TMEM132C: variants seen among roughly 807,000 people sequenced by gnomAD.
TMEM132C encodes transmembrane protein 132C.
TMEM132C carries 29 observed loss-of-function variants against 61.4 expected under a neutral mutation model. The ratio of observed to expected loss-of-function variants is 0.47; its 90% confidence interval spans 0.35 to 0.64. The LOEUF (loss-of-function observed/expected upper bound fraction) is 0.64. Ranked by LOEUF, TMEM132C falls within the 30% of genes least tolerant of loss-of-function variation. The pLI is 0.00. For synonymous variants in TMEM132C, 656 were observed against 633.1 expected, an observed-to-expected ratio of 1.04 and a Z score of -0.54; for missense variants, 1,408 against 1,476.9, an observed-to-expected ratio of 0.95 and a Z score of 0.76.
At chr12:128,588,134 A>G (rs1875617780) in intron 3 of TMEM132C, among the ~76,000 whole-genome samples, 1 of 152,160 alleles carries the variant, frequency 6.6e-6, no homozygotes, top group African/African-American at 2.4e-5. Context: ...TCACAAGATG[A>G]CTTTCATGTC....
At chr12:128,410,364 A>AATAT (rs1555223121) in intron 1 of TMEM132C, among the ~76,000 whole-genome samples, 1 of 132,060 alleles carries the variant, frequency 7.6e-6, no homozygotes, top group East Asian at 2.2e-4. Context: ...ACTAGTTCTG[A>AATAT]ATATATATAC....
intron 3 of TMEM132C, among the ~76,000 whole-genome samples, chr12:128,597,792 A>G (rs1425578060): frequency 6.6e-6 from 1 of 152,180 alleles, no homozygotes; most frequent in Non-Finnish European, 1.5e-5. Flanking sequence ...TAGTTTCTGG[A>G]GCTGCAGGCC....
intron 1 of TMEM132C, among the ~76,000 whole-genome samples, chr12:128,354,930 C>G (rs1468743933): frequency 6.6e-6 from 1 of 152,208 alleles, no homozygotes; most frequent in African/African-American, 2.4e-5. Flanking sequence ...TCACCCAGGT[C>G]AGGGGACAAG....
At chr12:128,539,964 C>T (rs1873676757) in intron 2 of TMEM132C, among the ~76,000 whole-genome samples, 1 of 152,056 alleles carries the variant, frequency 6.6e-6, no homozygotes, top group South Asian at 2.1e-4. Flanking sequence ...ATGATTCATC[C>T]TCTTTCTTTT....
chr12:128,492,726 A>G lies in TMEM132C; in HGVS notation c.975-51231A>G, dbSNP rs185365691. ...TGTTTTTTTCTTGTAAATTTGTTTG[A>G]GTTCTTCGTAGATTCTGGATATTAG... On this transcript the variant is annotated intron_variant, in intron 2 of 8. Coordinates refer to ENST00000435159, the MANE Select transcript of TMEM132C (RefSeq NM_001136103.3). Among the ~76,000 whole-genome samples the G allele has an allele frequency of 1.5e-3, 226 of 152,122 alleles. 3 individuals are homozygous for G. The highest frequency in any genetic ancestry group is 4.6e-3 in the African/African-American group (189 of 41,472).
At chr12:128,308,379 C>T (rs897645925) in intron 1 of TMEM132C, among the ~76,000 whole-genome samples, 3 of 151,818 alleles carry the variant, frequency 2.0e-5, no homozygotes, top group African/African-American at 7.3e-5. Flanking sequence ...TCTAGGGATT[C>T]AGATTCTAGA....
chr12:128,386,761 T>C (rs1400487001), intron 1 of TMEM132C, among the ~76,000 whole-genome samples: 1 of 152,172 alleles, frequency 6.6e-6, no homozygotes, highest in Non-Finnish European at 1.5e-5. Context: ...TGCTTTACAT[T>C]CGCTCTGCTA....
chr12:128,302,517 TCCAGAAGACACAG>T (rs1871630174), intron 1 of TMEM132C, among the ~76,000 whole-genome samples: 1 of 152,204 alleles, frequency 6.6e-6, no homozygotes, highest in South Asian at 2.1e-4. Flanking sequence ...ACTAGCTTTG[TCCAGAAGACACAG>T]TTGTTATTCA....
At chr12:128,656,926 C>G (rs1487752338) in intron 4 of TMEM132C, among the ~76,000 whole-genome samples, 1 of 152,196 alleles carries the variant, frequency 6.6e-6, no homozygotes, top group Non-Finnish European at 1.5e-5. Flanking sequence ...TTCCTAGCCC[C>G]TGCCTTTTGG....
At chr12:128,318,768 A>G (rs542740160) in intron 1 of TMEM132C, among the ~76,000 whole-genome samples, 7 of 152,150 alleles carry the variant, frequency 4.6e-5, no homozygotes, top group Non-Finnish European at 1.0e-4. Flanking sequence ...TCACGGAGAG[A>G]TGTGTTGCAT....
At chr12:128,463,314 C>A (rs1870603815) in intron 2 of TMEM132C, among the ~76,000 whole-genome samples, 1 of 151,940 alleles carries the variant, frequency 6.6e-6, no homozygotes, top group South Asian at 2.1e-4. Context: ...AAAACTCATG[C>A]TTCTCTTTTC....
chr12:128,597,220 C>T (rs2135570832), intron 3 of TMEM132C, among the ~76,000 whole-genome samples: 1 of 152,306 alleles, frequency 6.6e-6, no homozygotes, highest in East Asian at 1.9e-4. Context: ...TGGGTCACGT[C>T]TGTAATCCCA....
intron 8 of TMEM132C, among the ~76,000 whole-genome samples, chr12:128,701,109 G>T (rs1421093802): frequency 6.6e-6 from 1 of 152,110 alleles, no homozygotes; most frequent in Non-Finnish European, 1.5e-5. Flanking sequence ...CAAGGGATCT[G>T]GGATAAATAT....
At chr12:128,673,141 T>C (rs1240846989) in intron 5 of TMEM132C, among the ~76,000 whole-genome samples, 2 of 152,198 alleles carry the variant, frequency 1.3e-5, no homozygotes, top group Non-Finnish European at 2.9e-5. Flanking sequence ...TGTCCCACCC[T>C]GAATTCATAT....
At chr12:128,514,527 G>T (rs968042101) in intron 2 of TMEM132C, among the ~76,000 whole-genome samples, 1 of 152,096 alleles carries the variant, frequency 6.6e-6, no homozygotes, top group Non-Finnish European at 1.5e-5. Context: ...GGTGGCAGGC[G>T]GGGTGCGGGG....
Position 128,430,946 on chromosome 12 carries a change from C to T in TMEM132C, c.974+15326C>T, listed in dbSNP as rs926463778. Among the ~76,000 whole-genome samples the T allele has an allele frequency of 5.3e-5, 8 of 152,178 alleles. No individual in the cohort carries two copies. The East Asian group carries it at 5.8e-4, about 11-fold the overall frequency. On this transcript the variant is annotated intron_variant, in intron 2 of 8. Coordinates refer to ENST00000435159, the MANE Select transcript of TMEM132C (RefSeq NM_001136103.3). Reference sequence around the variant, plus strand: ...AATTAGGCTAATGAATAACCCTACACGGGCCTCTAAGTGTTTCAGTGAAAG... The same window carrying T: ...AATTAGGCTAATGAATAACCCTACATGGGCCTCTAAGTGTTTCAGTGAAAG...
intron 2 of TMEM132C, among the ~76,000 whole-genome samples, chr12:128,493,147 A>G (rs1283707914): frequency 6.6e-6 from 1 of 151,266 alleles, no homozygotes; most frequent in African/African-American, 2.4e-5. Context: ...TTTGTCAAAG[A>G]TCAGATGGTT....
In TMEM132C at chr12:128,315,093, G is replaced by T. The variant is rs547475229; in HGVS notation, c.85+47606G>T. Among the ~76,000 whole-genome samples the T allele has an allele frequency of 3.9e-5, 6 of 152,290 alleles. No homozygotes were observed. The South Asian group carries it at 1.2e-3, about 32-fold the overall frequency. Reference sequence around the variant, plus strand: ...TATTTTGAATAGGATGGATGGTCTCGGAAGGTTCTTCAATGAGGAGGCATC... The same window carrying T: ...TATTTTGAATAGGATGGATGGTCTCTGAAGGTTCTTCAATGAGGAGGCATC... On this transcript the variant is annotated intron_variant, in intron 1 of 8. Coordinates refer to ENST00000435159, the MANE Select transcript of TMEM132C (RefSeq NM_001136103.3).
intron 1 of TMEM132C, among the ~76,000 whole-genome samples, chr12:128,362,031 G>T (rs1873722043): frequency 6.6e-6 from 1 of 151,810 alleles, no homozygotes; most frequent in Non-Finnish European, 1.5e-5. Context: ...GGACACCCTG[G>T]ATTTCTCCAG....
Sources: allele counts gnomAD v4.1 joint callset (sites outside exome capture counted in the v4.1 genomes callset), GRCh38; gene constraint gnomAD v4.1.1; transcripts MANE v1.5; gene names NCBI Gene and HGNC (gene_info 2026-07-23, HGNC 2026-07-21).